Variants in NCOA2 observed in about 807,000 individuals in gnomAD.
NCOA2 encodes class E basic helix-loop-helix protein 75.
Under a neutral mutation model 145.1 loss-of-function variants are expected in NCOA2, and 21 were observed. The observed-to-expected ratio is 0.14, with a 90% confidence interval of 0.10 to 0.21. The LOEUF is 0.21. Among genes scored for constraint, NCOA2 ranks in the 10% least tolerant of loss-of-function variants. NCOA2 has a pLI of 1.00. For missense variants in NCOA2, 1,472 were observed against 1,837.6 expected, an observed-to-expected ratio of 0.80 and a Z score of 3.64; for synonymous variants, 619 against 637.5, an observed-to-expected ratio of 0.97 and a Z score of 0.44.
upstream of NCOA2, among the ~76,000 whole-genome samples, chr8:70,405,038 A>G (rs1202743978): frequency 1.3e-5 from 2 of 152,318 alleles, no homozygotes; most frequent in South Asian, 2.1e-4. Flanking sequence ...TATATATGCT[A>G]TAGGCCTTAA....
At chr8:70,437,666 C>T in the NCOA2 span, among the ~76,000 whole-genome samples, 1 of 152,128 alleles carries the variant, frequency 6.6e-6, no homozygotes. Flanking sequence ...AGTTTTTCTC[C>T]TATATATTTT....
chr8:70,230,132 T>TA (rs1821007261), intron 2 of NCOA2, among the ~76,000 whole-genome samples: 1 of 152,210 alleles, frequency 6.6e-6, no homozygotes, highest in African/African-American at 2.4e-5. Context: ...AAGTCACAGT[T>TA]ACGCTAGAAA....
intron 2 of NCOA2, among the ~76,000 whole-genome samples, chr8:70,255,914 T>C (rs1338800881): frequency 6.6e-6 from 1 of 152,220 alleles, no homozygotes; most frequent in Non-Finnish European, 1.5e-5. Flanking sequence ...CAACAGCAGC[T>C]TGCTACATGA....
chr8:70,158,042 T>TC (rs1281899899), intron 10 of NCOA2, among the ~76,000 whole-genome samples: 2 of 152,266 alleles, frequency 1.3e-5, no homozygotes, highest in Admixed American at 6.5e-5. Flanking sequence ...ACTTTTGAGT[T>TC]ACCAAATGTG....
At chr8:70,154,015 A>G (rs1417483208) in intron 11 of NCOA2, among the ~76,000 whole-genome samples, 1 of 152,224 alleles carries the variant, frequency 6.6e-6, no homozygotes, top group East Asian at 1.9e-4. Context: ...TTAGAAGCCT[A>G]GATGGAGCCC....
chr8:70,427,617 T>C, the NCOA2 span, among the ~76,000 whole-genome samples: 1 of 152,216 alleles, frequency 6.6e-6, no homozygotes, highest in Non-Finnish European at 1.5e-5. Flanking sequence ...GTCTTAATGT[T>C]ATAAAAAGTT....
chr8:70,274,363 CCAAAGCCTACAGA>C (rs771276173), intron 2 of NCOA2, among the ~76,000 whole-genome samples: 9 of 152,162 alleles, frequency 5.9e-5, no homozygotes, highest in Non-Finnish European at 1.2e-4. Flanking sequence ...ACTGAAGTTT[CCAAAGCCTACAGA>C]GCTTCAGCTA....
intron 1 of NCOA2, among the ~76,000 whole-genome samples, chr8:70,345,366 T>TC (rs1808517030): frequency 1.3e-5 from 2 of 152,220 alleles, no homozygotes; most frequent in African/African-American, 4.8e-5. Flanking sequence ...TGTAATTTTT[T>TC]CCCACAGGAT....
chr8:70,212,537 A>G (rs911790806), intron 4 of NCOA2, among the ~76,000 whole-genome samples: 7 of 152,136 alleles, frequency 4.6e-5, no homozygotes, highest in African/African-American at 1.7e-4. Flanking sequence ...GTATATTTTT[A>G]TGTTCTTAGA....
At chr8:70,345,460 G>A (rs1424111899) in intron 1 of NCOA2, among the ~76,000 whole-genome samples, 1 of 152,164 alleles carries the variant, frequency 6.6e-6, no homozygotes. Context: ...AAAAACAACA[G>A]CAGCAGTTAG....
At chr8:70,353,979 T>C (rs1809465497) in intron 1 of NCOA2, among the ~76,000 whole-genome samples, 1 of 152,186 alleles carries the variant, frequency 6.6e-6, no homozygotes, top group Admixed American at 6.5e-5. Flanking sequence ...ATGCAATGAA[T>C]GCCAAAACCT....
intron 1 of NCOA2, among the ~76,000 whole-genome samples, chr8:70,326,484 C>A (rs1279183809): frequency 6.6e-6 from 1 of 151,940 alleles, no homozygotes; most frequent in Non-Finnish European, 1.5e-5. Flanking sequence ...CACACACACA[C>A]ACACAGCTGT....
At chr8:70,411,352 A>G in the NCOA2 span, among the ~76,000 whole-genome samples, 1 of 152,228 alleles carries the variant, frequency 6.6e-6, no homozygotes, top group Non-Finnish European at 1.5e-5. Flanking sequence ...TGCAGATGGC[A>G]TGAATGTTTA....
chr8:70,212,757 A>T (rs1254336412), intron 4 of NCOA2, among the ~76,000 whole-genome samples: 1 of 152,232 alleles, frequency 6.6e-6, no homozygotes, highest in East Asian at 1.9e-4. Context: ...GGCAGATTTT[A>T]AAAATTTGAA....
chr8:70,234,232 A>C (rs1403691465), intron 2 of NCOA2, among the ~76,000 whole-genome samples: 1 of 152,240 alleles, frequency 6.6e-6, no homozygotes, highest in Non-Finnish European at 1.5e-5. Context: ...TTGTATAGCT[A>C]TACCAAATTT....
intron 2 of NCOA2, among the ~76,000 whole-genome samples, chr8:70,275,684 A>G (rs987931134): frequency 6.6e-6 from 1 of 152,222 alleles, no homozygotes; most frequent in African/African-American, 2.4e-5. Context: ...TTTCACAAAG[A>G]CATAAAAGCA....
At chr8:70,206,293 G>GCT (rs10664562) in intron 4 of NCOA2, among the ~76,000 whole-genome samples, 136,047 of 152,144 alleles carry the variant, frequency 0.89, 61,267 homozygotes, top group African/African-American at 0.95. Context: ...TCTGTGTCCA[G>GCT]CTCTGTCATT....
chr8:70,136,563 A>C (rs201834150), intron 15 of NCOA2, among the ~76,000 whole-genome samples: 42 of 147,714 alleles, frequency 2.8e-4, no homozygotes, highest in Non-Finnish European at 5.4e-4. Context: ...AAAAAAAAAA[A>C]CCCAAAAACC....
At chr8:70,418,240 C>G in the NCOA2 span, among the ~76,000 whole-genome samples, 2 of 152,194 alleles carry the variant, frequency 1.3e-5, no homozygotes, top group African/African-American at 2.4e-5. Context: ...TGTCACCTAG[C>G]TGACATTATA....
Sources: gnomAD v4.1 joint callset for allele counts (sites outside exome capture counted in the v4.1 genomes callset) on GRCh38, gnomAD v4.1.1 for gene constraint, MANE v1.5 for transcripts, NCBI Gene and HGNC (gene_info 2026-07-23, HGNC 2026-07-21) for gene names.